The following NRIP1 variants were observed in gnomAD, a reference collection of about 807,000 sequenced individuals.
NRIP1 encodes nuclear receptor interacting protein 1.
A neutral mutation model predicts 75.0 loss-of-function variants in NRIP1; 28 were observed. That is an observed-to-expected ratio of 0.37 (90% CI 0.28 to 0.51). The LOEUF (loss-of-function observed/expected upper bound fraction) is 0.51, where lower values mean the gene tolerates loss of function less well. Among genes scored for constraint, NRIP1 ranks in the 20% least tolerant of loss-of-function variants. NRIP1 has a pLI of 0.92. For missense variants in NRIP1, 1,435 were observed against 1,343.7 expected (o/e 1.07, Z -1.06); for synonymous variants, 526 against 487.6 (o/e 1.08, Z -1.04).
At position 14,966,677 on chromosome 21, in the gene NRIP1, C is replaced by T. The variant is rs1445068589; in HGVS notation, c.1516G>A (p.Gly506Ser). Residue 506 changes from glycine to serine, a missense_variant, in exon 4 of 4, where the codon GGC becomes AGC. By Grantham distance (56) the Gly-to-Ser change is moderately conservative (BLOSUM62 0). Transcript: ENST00000318948. ...TCTACATTTTCTTCATTCTTATGGCCAAGTAGCAATTGAAGAAGTGTTACT... is the reference window on the plus strand; with the variant it reads ...TCTACATTTTCTTCATTCTTATGGCTAAGTAGCAATTGAAGAAGTGTTACT... ...QKVTLLQLLL[G>S]HKNEENVEKN... 3.1e-6 allele frequency: 5 copies of T among 1,613,924 alleles called. No individual in the cohort carries two copies. The highest frequency in any genetic ancestry group is 3.4e-6 in the Non-Finnish European group (4 of 1,180,004).
rs76435497 is a variant in NRIP1 at position 15,026,218 on chromosome 21, T to C, written c.-457-11752A>G. Among the ~76,000 whole-genome samples the C allele has an allele frequency of 0.012, 1,840 of 152,236 alleles. 197 individuals carry two copies. In the East Asian group the frequency reaches 0.25, roughly 21 times the overall value. On this transcript the variant is annotated intron_variant, in intron 2 of 3. Coordinates refer to ENST00000318948, the MANE Select transcript of NRIP1 (RefSeq NM_003489.4). ...GCATAAAAAAACAGTTTTGAGTACATAATGGGCATAGGACATAATAAGAAT... is the reference window on the plus strand; with the variant it reads ...GCATAAAAAAACAGTTTTGAGTACACAATGGGCATAGGACATAATAAGAAT...
chr21:15,061,793 C>A (rs889861633), intron 1 of NRIP1, among the ~76,000 whole-genome samples: 1 of 152,144 alleles, frequency 6.6e-6, no homozygotes, highest in African/African-American at 2.4e-5. Flanking sequence ...ATATCCTAAG[C>A]CACTCTGATT....
chr21:14,987,413 C>G (rs2087435754), intron 3 of NRIP1, among the ~76,000 whole-genome samples: 1 of 151,840 alleles, frequency 6.6e-6, no homozygotes, highest in Admixed American at 6.6e-5. Flanking sequence ...ACACAAAAAA[C>G]AAGGCTAATC....
chr21:15,024,556 T>C (rs967451088), intron 2 of NRIP1, among the ~76,000 whole-genome samples: 16 of 145,422 alleles, frequency 1.1e-4, no homozygotes, highest in African/African-American at 4.1e-4. Context: ...ACACAAAACT[T>C]TGGTATCCAG....
intron 3 of NRIP1, among the ~76,000 whole-genome samples, chr21:14,985,341 T>C (rs1300350103): frequency 6.6e-6 from 1 of 152,216 alleles, no homozygotes; most frequent in Non-Finnish European, 1.5e-5. Context: ...ATATATCTTT[T>C]TCCCTGGAAT....
In NRIP1 at chr21:14,966,563, T is replaced by C. The variant is rs2086751097; in HGVS notation, c.1630A>G (p.Ser544Gly). Residue 544 changes from serine to glycine, a missense_variant, in exon 4 of 4, where the codon AGT (serine) becomes GGT (glycine). Coordinates refer to ENST00000318948, the MANE Select transcript of NRIP1 (RefSeq NM_003489.4). The stretch of plus-strand genomic sequence containing the variant: ...CTCACTGGAGTAGTCCGATTTGTAC[T>C]GGGGCTTTCTATCACAGAAGTCCTT... ...YARTSVIESPSTNRTTPVSTP... is the reference protein window; with the variant it reads ...YARTSVIESPGTNRTTPVSTP... The C allele has an allele frequency of 1.9e-6, 3 of 1,614,104 alleles. No individual in the cohort carries two copies. Among genetic ancestry groups the C allele is most frequent in the Non-Finnish European group, 2.5e-6 (3 of 1,179,980 alleles).
Position 14,964,544 on chromosome 21 carries a change from T to C in NRIP1, c.*172A>G. 1.9e-6 allele frequency: 1 copy of C among 535,498 alleles called. No individual in the cohort carries two copies. The highest frequency in any genetic ancestry group is 3.1e-5 in the East Asian group (1 of 32,446). The allele number at this position is 535,498 out of a possible 1,614,324, so 33.2% of individuals were successfully genotyped here. ...AGTAGTTTCCTCATGACATCTAATGTTAAGCAAAAATTAGTATGCATATTT... is the reference window on the plus strand; with the variant it reads ...AGTAGTTTCCTCATGACATCTAATGCTAAGCAAAAATTAGTATGCATATTT... On this transcript the variant is annotated 3_prime_UTR_variant, in exon 4 of 4. Coordinates refer to ENST00000318948, the MANE Select transcript of NRIP1 (RefSeq NM_003489.4).
intron 2 of NRIP1, among the ~76,000 whole-genome samples, chr21:15,040,121 G>T (rs958579739): frequency 1.3e-5 from 2 of 152,038 alleles, no homozygotes; most frequent in Admixed American, 6.5e-5. Context: ...TGGCTACTGT[G>T]CACTTGAAAG....
chr21:14,983,567 A>G (rs536387711), intron 3 of NRIP1, among the ~76,000 whole-genome samples: 2 of 152,218 alleles, frequency 1.3e-5, no homozygotes, highest in Non-Finnish European at 2.9e-5. Context: ...TGGTTACACT[A>G]AACAACAGAT....
intron 2 of NRIP1, among the ~76,000 whole-genome samples, chr21:15,016,956 C>CAAGA (rs574025182): frequency 2.6e-3 from 344 of 131,360 alleles, no homozygotes; most frequent in South Asian, 7.6e-3. Flanking sequence ...AGAAGAAAGA[C>CAAGA]AAGAAAGAAA....
intron 3 of NRIP1, among the ~76,000 whole-genome samples, chr21:14,985,087 T>C (rs2087357640): frequency 6.6e-6 from 1 of 152,230 alleles, no homozygotes. Context: ...GCTTGTGTTT[T>C]GGTTCGTTAA....
At chr21:14,983,037 CACA>C (rs1407081674) in intron 3 of NRIP1, among the ~76,000 whole-genome samples, 2 of 151,974 alleles carry the variant, frequency 1.3e-5, no homozygotes, top group Non-Finnish European at 2.9e-5. Context: ...TTGCCTGAGA[CACA>C]ACAATATTGA....
chr21:15,010,882 G>A lies in NRIP1; in HGVS notation c.-335+3462C>T, dbSNP rs528762250. Among the ~76,000 whole-genome samples the A allele has an allele frequency of 2.0e-5, 3 of 152,264 alleles. No homozygotes were observed. In the South Asian group the frequency reaches 6.2e-4, roughly 32 times the overall value. On this transcript the variant is annotated intron_variant, in intron 3 of 3. Transcript: ENST00000318948. Reference sequence around the variant, plus strand: ...TGGAAACTAACAATGATTCATTTGAGCCAAGCATACAGATTTTCTTACCAG... The same window carrying A: ...TGGAAACTAACAATGATTCATTTGAACCAAGCATACAGATTTTCTTACCAG...
At chr21:15,024,567 A>AGTGT (rs60376904) in intron 2 of NRIP1, among the ~76,000 whole-genome samples, 7,820 of 145,592 alleles carry the variant, frequency 0.054, 307 homozygotes, top group African/African-American at 0.11. Flanking sequence ...TGGTATCCAG[A>AGTGT]GTGTGTGTGT....
chr21:14,973,931 T>C lies in NRIP1; in HGVS notation c.-334-5405A>G, dbSNP rs567600423. The stretch of plus-strand genomic sequence containing the variant: ...AACTCTTAGCCTCAAGTGGTCCTCC[T>C]GCCTTAGCCTCTCAAAGTGCTGGGA... On this transcript the variant is annotated intron_variant, in intron 3 of 3. Transcript: ENST00000318948. 7.9e-5 allele frequency among the ~76,000 whole-genome samples: 12 copies of C among 150,966 alleles called. No individual in the cohort carries two copies. The South Asian group carries it at 2.5e-3, about 32-fold the overall frequency.
At position 15,014,396 on chromosome 21, in the gene NRIP1, G is replaced by C; in HGVS notation, c.-387C>G. On this transcript the variant is annotated 5_prime_UTR_variant, in exon 3 of 4. Coordinates refer to ENST00000318948, the MANE Select transcript of NRIP1 (RefSeq NM_003489.4). ...CTTTCTGAGAAAGAAAATTGAGAAG[G>C]CTGTTGAAAAGTAGCTCTGATGTCA... 2.5e-6 allele frequency: 1 copy of C among 398,306 alleles called. No homozygotes were observed. The allele number at this position is 398,306 out of a possible 1,614,324, so 24.7% of individuals were successfully genotyped here.
intron 3 of NRIP1, among the ~76,000 whole-genome samples, chr21:15,008,044 A>G (rs1271727515): frequency 6.6e-6 from 1 of 152,206 alleles, no homozygotes; most frequent in Non-Finnish European, 1.5e-5. Flanking sequence ...ACCCTCAGGG[A>G]AGACCCAGCA....
intron 1 of NRIP1, among the ~76,000 whole-genome samples, chr21:15,044,006 A>G (rs1471436530): frequency 1.3e-5 from 2 of 152,008 alleles, no homozygotes; most frequent in Non-Finnish European, 2.9e-5. Flanking sequence ...TTTAGTAGAG[A>G]CGAGTTTTCG....
chr21:15,021,213 G>A (rs553445198), intron 2 of NRIP1, among the ~76,000 whole-genome samples: 1 of 152,252 alleles, frequency 6.6e-6, no homozygotes, highest in South Asian at 2.1e-4. Context: ...CAAAAAAAGG[G>A]AATGAACTAA....
Sources: allele counts gnomAD v4.1 joint callset (sites outside exome capture counted in the v4.1 genomes callset), GRCh38; gene constraint gnomAD v4.1.1; transcripts MANE v1.5; gene names NCBI Gene and HGNC (gene_info 2026-07-23, HGNC 2026-07-21).